Variants in NCOR1 observed in about 807,000 individuals in gnomAD.
The protein encoded by NCOR1 is nuclear receptor corepressor 1.
Under a neutral mutation model 288.1 loss-of-function variants are expected in NCOR1, and 63 were observed. The observed-to-expected ratio is 0.22, with a 90% confidence interval of 0.18 to 0.27. The LOEUF is 0.27. Among genes scored for constraint, NCOR1 ranks in the 10% least tolerant of loss-of-function variants. The pLI is 1.00. For synonymous variants in NCOR1, 1,007 were observed against 1,065.9 expected, an observed-to-expected ratio of 0.94 and a Z score of 1.08; for missense variants, 2,397 against 3,019.2, an observed-to-expected ratio of 0.79 and a Z score of 4.83.
intron 1 of NCOR1, among the ~76,000 whole-genome samples, chr17:16,204,734 TTTAC>T (rs1372473643): frequency 6.6e-6 from 1 of 152,246 alleles, no homozygotes; most frequent in Non-Finnish European, 1.5e-5. Flanking sequence ...ACATTTATTA[TTTAC>T]TTACTTTGTG....
chr17:16,127,297 G>GTATGTATATATACATGTATGTATA, intron 14 of NCOR1, among the ~76,000 whole-genome samples: 1 of 104,464 alleles, frequency 9.6e-6, no homozygotes, highest in Non-Finnish European at 2.1e-5. Context: ...ATATATGTAT[G>GTATGTATATATACATGTATGTATA]TATGTATATA....
intron 45 of NCOR1, among the ~76,000 whole-genome samples, chr17:16,034,232 A>G (rs1226310883): frequency 6.6e-6 from 1 of 152,064 alleles, no homozygotes; most frequent in East Asian, 1.9e-4. Context: ...ATTTTTTCAT[A>G]GCTCTTCCTT....
chr17:16,055,575 C>T (rs2059820582), intron 40 of NCOR1, among the ~76,000 whole-genome samples: 1 of 152,134 alleles, frequency 6.6e-6, no homozygotes, highest in South Asian at 2.1e-4. Context: ...TAATGGGTAC[C>T]AGGCTTAATA....
rs371483872 is a variant in NCOR1, at chr17:16,086,395, C to T, written c.3064G>A (p.Val1022Ile). 3.4e-5 allele frequency: 55 copies of T among 1,613,914 alleles called. No homozygotes were observed. Among genetic ancestry groups the T allele is most frequent in the South Asian group, 1.4e-4 (13 of 91,078 alleles). ...GTTGGTCGAGTTGTCGGAAGCCGAA[C>T]GCCTTCAGGGAGATTAGTTATCACT... ...HQVITNLPEG[V>I]RLPTTRPTRP... Residue 1022 changes from valine to isoleucine, a missense_variant, in exon 23 of 46, where the codon GTT (valine) becomes ATT (isoleucine). Physicochemically the swap from Val to Ile is conservative, Grantham distance 29. This residue lies in a region of NCOR1 where 1,872 missense variants were observed against 2,187.8 expected (regional missense o/e 0.86). Transcript: ENST00000268712.
chr17:16,169,417 C>G (rs1375385533), intron 4 of NCOR1, among the ~76,000 whole-genome samples: 1 of 152,122 alleles, frequency 6.6e-6, no homozygotes, highest in East Asian at 1.9e-4. Context: ...TTATTTAACT[C>G]TTCTATAAAT....
At chr17:16,077,535 GAGA>G (rs1567869389) in intron 26 of NCOR1, among the ~76,000 whole-genome samples, 1 of 36,356 alleles carries the variant, frequency 2.8e-5, no homozygotes, top group African/African-American at 1.2e-4. Context: ...GGAGGGGGAG[GAGA>G]GGGGAGGAGA....
At chr17:16,197,367 T>C (rs1344872409) in intron 1 of NCOR1, among the ~76,000 whole-genome samples, 1 of 151,806 alleles carries the variant, frequency 6.6e-6, no homozygotes, top group African/African-American at 2.4e-5. Context: ...CCATGTAATA[T>C]ATAAATATTT....
At chr17:16,116,711 T>C (rs947666064) in intron 18 of NCOR1, among the ~76,000 whole-genome samples, 2 of 105,410 alleles carry the variant, frequency 1.9e-5, no homozygotes, top group Non-Finnish European at 4.4e-5. Flanking sequence ...CATATTTTGG[T>C]ATAGAGCAGA....
rs749125122 is a variant in NCOR1 at position 16,057,520 on chromosome 17, C to T, written c.6386G>A (p.Arg2129Lys). The change falls in exon 40 of 46, where the codon AGG becomes AAG. Residue 2129 changes from arginine to lysine, a missense_variant. This residue lies in a region of NCOR1 where 1,872 missense variants were observed against 2,187.8 expected (regional missense o/e 0.86). Transcript: ENST00000268712. The part of the protein sequence containing the change: ...VSPENLVDKS[R>K]GSRPGKSPER... ...TTTGGAATAAAGATCATACCTTCCC[C>T]TGGATTTGTCCACAAGATTTTCTGG... The T allele has an allele frequency of 3.1e-6, 5 of 1,613,552 alleles. No individual in the cohort carries two copies. Among genetic ancestry groups the T allele is most frequent in the Non-Finnish European group, 4.2e-6 (5 of 1,179,490 alleles).
intron 20 of NCOR1, 31 bp from the exon 21 acceptor site, chr17:16,098,527 G>C (rs1429963198): frequency 1.3e-6 from 2 of 1,583,964 alleles, no homozygotes; most frequent in Non-Finnish European, 1.7e-6. Flanking sequence ...AAAGATAAAT[G>C]AATACATTTT....
chr17:16,112,005 G>A (rs955097945), intron 18 of NCOR1, among the ~76,000 whole-genome samples: 2 of 152,060 alleles, frequency 1.3e-5, no homozygotes, highest in African/African-American at 4.8e-5. Context: ...GAGTAGCTGG[G>A]ACTACAGGTG....
intron 14 of NCOR1, among the ~76,000 whole-genome samples, chr17:16,134,151 G>C (rs1439261055): frequency 6.6e-6 from 1 of 152,132 alleles, no homozygotes; most frequent in African/African-American, 2.4e-5. Context: ...GTTTTACACA[G>C]AGAGCCCTTA....
intron 3 of NCOR1, among the ~76,000 whole-genome samples, chr17:16,173,237 T>C (rs1368333852): frequency 6.6e-6 from 1 of 152,128 alleles, no homozygotes; most frequent in Non-Finnish European, 1.5e-5. Flanking sequence ...CTAAATTCTG[T>C]AAAATTATTA....
Position 16,153,203 on chromosome 17 carries a change from T to C in NCOR1, c.789+136A>G, listed in dbSNP as rs1475586085. ...AGTTCACTCATCATTACTTTAAACTTCATCTCAAGCTACATCTCTGCTCAG... is the reference window on the plus strand; with the variant it reads ...AGTTCACTCATCATTACTTTAAACTCCATCTCAAGCTACATCTCTGCTCAG... On this transcript the variant is annotated intron_variant, in intron 7 of 45. Transcript: ENST00000268712. 8.5e-6 allele frequency: 5 copies of C among 586,712 alleles called. No individual in the cohort carries two copies. In the Admixed American group the frequency reaches 1.6e-4, roughly 18 times the overall value. 36.3% of individuals were successfully genotyped at this position (586,712 alleles called of 1,614,324 possible). A position where few individuals can be genotyped will look rare whatever the true frequency, so the allele number is the denominator to read the frequency against.
At chr17:16,089,258 A>G (rs1440378907) in intron 22 of NCOR1, among the ~76,000 whole-genome samples, 1 of 152,120 alleles carries the variant, frequency 6.6e-6, no homozygotes, top group African/African-American at 2.4e-5. Flanking sequence ...GGTCAGTTAC[A>G]TAGAAGCATT....
At chr17:16,172,340 T>C (rs1000677917) in intron 3 of NCOR1, among the ~76,000 whole-genome samples, 1 of 151,548 alleles carries the variant, frequency 6.6e-6, no homozygotes, top group Non-Finnish European at 1.5e-5. Flanking sequence ...TGGGCAACAA[T>C]GTGAGACTCC....
At chr17:16,136,491 C>T (rs949486799) in intron 14 of NCOR1, among the ~76,000 whole-genome samples, 1 of 152,260 alleles carries the variant, frequency 6.6e-6, no homozygotes, top group East Asian at 1.9e-4. Flanking sequence ...TACACCCAGA[C>T]AGAAAAAGTG....
At chr17:16,146,268 C>G in intron 10 of NCOR1, 108 bp downstream of exon 10, 1 of 1,021,982 alleles carries the variant, frequency 9.8e-7, no homozygotes, top group Non-Finnish European at 1.4e-6. Flanking sequence ...TCCCCCTCTC[C>G]GAGAAACACC....
At chr17:16,130,742 G>A (rs1053837826) in intron 14 of NCOR1, among the ~76,000 whole-genome samples, 2 of 152,068 alleles carry the variant, frequency 1.3e-5, no homozygotes, top group Non-Finnish European at 2.9e-5. Context: ...GGAGTACAGC[G>A]GCGCAATCTT....
Sources: gnomAD v4.1 joint callset for allele counts (sites outside exome capture counted in the v4.1 genomes callset) on GRCh38, gnomAD v4.1.1 for gene constraint, gnomAD v4.1.1 regional missense constraint, MANE v1.5 for transcripts, NCBI Gene and HGNC (gene_info 2026-07-23, HGNC 2026-07-21) for gene names.